PCYT1A: variants seen among roughly 807,000 people sequenced by gnomAD.
PCYT1A encodes phosphate cytidylyltransferase 1A, choline.
PCYT1A carries 25 observed loss-of-function variants against 43.7 expected under a neutral mutation model. The observed-to-expected ratio is 0.57, with a 90% CI of 0.42 to 0.80. The LOEUF (loss-of-function observed/expected upper bound fraction) is 0.80. PCYT1A is among the 30% of genes least tolerant of loss of function. The probability of loss-of-function intolerance (pLI) is 0.00; values close to 1 mark genes in which losing one functional copy is unlikely to be tolerated. For synonymous variants in PCYT1A, 172 were observed against 170.7 expected, an observed-to-expected ratio of 1.01 and a Z score of -0.06; for missense variants, 421 against 474.2, an observed-to-expected ratio of 0.89 and a Z score of 1.04.
chr3:196,286,684 CG>C (rs1725922825), intron 1 of PCYT1A, among the ~76,000 whole-genome samples: 1 of 152,128 alleles, frequency 6.6e-6, no homozygotes, highest in African/African-American at 2.4e-5. Context: ...GAGGCCTAGG[CG>C]GGTGGATCAC....
chr3:196,270,777 A>G (rs1171211867), intron 1 of PCYT1A, among the ~76,000 whole-genome samples: 1 of 152,198 alleles, frequency 6.6e-6, no homozygotes, highest in Non-Finnish European at 1.5e-5. Context: ...AATTGCCTGA[A>G]GTCGGAAGTC....
intron 1 of PCYT1A, among the ~76,000 whole-genome samples, chr3:196,283,008 T>C (rs1725810876): frequency 6.6e-6 from 1 of 152,136 alleles, no homozygotes; most frequent in South Asian, 2.1e-4. Flanking sequence ...CTCAAACTAA[T>C]ATAACTTTCA....
intron 5 of PCYT1A, among the ~76,000 whole-genome samples, chr3:196,243,351 G>A (rs895484017): frequency 1.2e-4 from 18 of 151,596 alleles, no homozygotes; most frequent in Admixed American, 1.2e-3. Flanking sequence ...GTATGAGAAA[G>A]AGGTTACTTC....
chr3:196,251,204 A>C (rs1019268067), intron 3 of PCYT1A, among the ~76,000 whole-genome samples: 23 of 150,808 alleles, frequency 1.5e-4, no homozygotes, highest in Non-Finnish European at 2.9e-4. Flanking sequence ...CAGATACACC[A>C]TGCTGAGGCT....
chr3:196,257,940 GTAA>G, intron 2 of PCYT1A, 53 bp from the exon 3 acceptor site: 1 of 964,994 alleles, frequency 1.0e-6, no homozygotes. Flanking sequence ...GGCATACACT[GTAA>G]TACTAAAAAA....
intron 3 of PCYT1A, among the ~76,000 whole-genome samples, chr3:196,256,055 G>C (rs980038468): frequency 1.3e-5 from 2 of 152,166 alleles, no homozygotes; most frequent in Admixed American, 1.3e-4. Context: ...ATCTTATCAT[G>C]AATCAGAAGG....
At chr3:196,243,916 T>G (rs1409087286) in intron 5 of PCYT1A, among the ~76,000 whole-genome samples, 1 of 152,222 alleles carries the variant, frequency 6.6e-6, no homozygotes, top group Non-Finnish European at 1.5e-5. Context: ...TGCCTTGGCC[T>G]CCCAAAGTGC....
In PCYT1A at chr3:196,252,487, C is replaced by T. The variant is rs755258307; in HGVS notation, c.218-4164G>A. On this transcript the variant is annotated intron_variant, in intron 3 of 8. Coordinates refer to ENST00000431016, the MANE Select transcript of PCYT1A (RefSeq NM_001312673.2). The surrounding 1 kb of genome is among the most constrained non-coding windows in gnomAD (Gnocchi z 4.0). Reference sequence around the variant, plus strand: ...ATTTCCTGACCTCAAGTGATCTGCCCGCCTTGGCCTCCCGAAGTTCTGGGA... The same window carrying T: ...ATTTCCTGACCTCAAGTGATCTGCCTGCCTTGGCCTCCCGAAGTTCTGGGA... 2.0e-5 allele frequency among the ~76,000 whole-genome samples: 3 copies of T among 152,302 alleles called. No individual in the cohort carries two copies. The highest frequency in any genetic ancestry group is 2.1e-4 in the South Asian group (1 of 4,818).
At position 196,257,899 on chromosome 3, in the gene PCYT1A, G is replaced by C; in HGVS notation, c.118-12C>G. On this transcript the variant is annotated splice_polypyrimidine_tract_variant and intron_variant, in intron 2 of 8. Coordinates refer to ENST00000431016, the MANE Select transcript of PCYT1A (RefSeq NM_001312673.2). Reference sequence around the variant, plus strand: ...GGTTGCCGTAAGCCCTTAAGAAATGGAAAGTGAAGGAAAAGAAAGTTCAAC... The same window carrying C: ...GGTTGCCGTAAGCCCTTAAGAAATGCAAAGTGAAGGAAAAGAAAGTTCAAC... 1 of 1,553,258 alleles carries C rather than the reference G, an allele frequency of 6.4e-7. No individual in the cohort carries two copies. Among genetic ancestry groups the C allele is most frequent in the Non-Finnish European group, 8.9e-7 (1 of 1,127,176 alleles).
At chr3:196,275,369 G>A (rs1725553939) in intron 1 of PCYT1A, among the ~76,000 whole-genome samples, 1 of 152,180 alleles carries the variant, frequency 6.6e-6, no homozygotes, top group Non-Finnish European at 1.5e-5. Context: ...AGAATGGAAT[G>A]GTGGTTACAA....
At chr3:196,256,882 G>A (rs527556686) in intron 3 of PCYT1A, among the ~76,000 whole-genome samples, 26 of 152,120 alleles carry the variant, frequency 1.7e-4, no homozygotes, top group African/African-American at 6.3e-4. Context: ...TTACTACAGA[G>A]AGCAAACATA....
In PCYT1A at chr3:196,252,148, G is replaced by A. The variant is rs927904357; in HGVS notation, c.218-3825C>T. 9.9e-5 allele frequency among the ~76,000 whole-genome samples: 15 copies of A among 151,466 alleles called. No homozygotes were observed. The highest frequency in any genetic ancestry group is 5.9e-4 in the Admixed American group (9 of 15,160). ...CGCCCCACTGGCTACAGTGCACACC[G>A]CCACGCCCCACTGGCTACAGCGCAC... On this transcript the variant is annotated intron_variant, in intron 3 of 8. Coordinates refer to ENST00000431016, the MANE Select transcript of PCYT1A (RefSeq NM_001312673.2). This position sits in a 1 kb window ranked among gnomAD's most constrained non-coding sequence, Gnocchi z 4.0.
intron 1 of PCYT1A, among the ~76,000 whole-genome samples, chr3:196,286,771 G>C (rs1168754010): frequency 6.6e-6 from 1 of 152,124 alleles, no homozygotes; most frequent in Non-Finnish European, 1.5e-5. Flanking sequence ...AAAATTAGCC[G>C]GGCGTGGTGG....
At position 196,270,500 on chromosome 3, in the gene PCYT1A, G is replaced by A; in HGVS notation, c.32C>T (p.Ala11Val). The A allele has an allele frequency of 6.2e-7, 1 of 1,613,968 alleles. No individual in the cohort carries two copies. The highest frequency in any genetic ancestry group is 8.5e-7 in the Non-Finnish European group (1 of 1,179,868). MDAQCSAKVN[A>V]RKRRKEAPGP... ...GGGCGCCTCTTTTCTCCTCTTCCTT[G>A]CATTGACCTTGGCTGAACACTGTGC... Residue 11 changes from alanine to valine, a missense_variant, in exon 2 of 9, where the codon GCA becomes GTA. Around this residue, in one of 3 missense-constraint regions of PCYT1A, gnomAD observed 139 missense variants for 117.7 expected, o/e 1.18. Coordinates refer to ENST00000431016, the MANE Select transcript of PCYT1A (RefSeq NM_001312673.2).
At position 196,246,697 on chromosome 3, in the gene PCYT1A, A is replaced by T. The variant is rs116781471; in HGVS notation, c.486+670T>A. On this transcript the variant is annotated intron_variant, in intron 5 of 8. Transcript: ENST00000431016. The stretch of plus-strand genomic sequence containing the variant: ...CTTAAGCCAAGAAAAGTCTATGTTA[A>T]TCCGTCTTATTTCCTGGTAATGTGA... Among the ~76,000 whole-genome samples, 716 of 152,318 alleles carry T rather than the reference A, an allele frequency of 4.7e-3. 5 individuals carry two copies. Among genetic ancestry groups the T allele is most frequent in the African/African-American group, 0.016 (680 of 41,580 alleles).
Position 196,242,320 on chromosome 3 carries a change from G to A in PCYT1A, c.566-230C>T. 2 of 652,340 alleles carry A rather than the reference G, an allele frequency of 3.1e-6. No homozygotes were observed. The highest frequency in any genetic ancestry group is 5.5e-6 in the Non-Finnish European group (2 of 364,678). The allele number at this position is 652,340 out of a possible 1,614,324, so 40.4% of individuals were successfully genotyped here. A position where few individuals can be genotyped will look rare whatever the true frequency, so the allele number is the denominator to read the frequency against. On this transcript the variant is annotated intron_variant, in intron 6 of 8. Transcript: ENST00000431016. This position sits in a 1 kb window ranked among gnomAD's most constrained non-coding sequence, Gnocchi z 4.2. ...TAATATTAAGAAAAATATGAGAAAG[G>A]GTTTCCTGAAATTAAGAGAGATATC...
intron 2 of PCYT1A, among the ~76,000 whole-genome samples, chr3:196,259,622 T>C (rs887251529): frequency 1.3e-5 from 2 of 151,950 alleles, no homozygotes; most frequent in African/African-American, 2.4e-5. Flanking sequence ...GGCTGGTGGA[T>C]TGCTTGAGCC....
At chr3:196,274,041 C>A (rs1177008320) in intron 1 of PCYT1A, among the ~76,000 whole-genome samples, 1 of 152,238 alleles carries the variant, frequency 6.6e-6, no homozygotes, top group Non-Finnish European at 1.5e-5. Flanking sequence ...CCAGAGGGGG[C>A]CAAGGCAGAA....
At chr3:196,267,499 G>A in intron 2 of PCYT1A, 1 of 329,546 alleles carries the variant, frequency 3.0e-6, no homozygotes, top group South Asian at 2.4e-5. Flanking sequence ...AGAATCGCTT[G>A]ATCCAGGAGA....
Sources: allele counts gnomAD v4.1 joint callset (sites outside exome capture counted in the v4.1 genomes callset), GRCh38; gene constraint gnomAD v4.1.1; regional missense constraint gnomAD v4.1.1; non-coding constraint Gnocchi (gnomAD v3.1); transcripts MANE v1.5; gene names NCBI Gene and HGNC (gene_info 2026-07-23, HGNC 2026-07-21).